The following AKAP9 variants were observed in gnomAD, a reference collection of about 807,000 sequenced individuals.
AKAP9 encodes A-kinase anchor protein 9.
In AKAP9, 311 loss-of-function variants were observed where a neutral mutation model predicts 488.5. That is an observed-to-expected ratio of 0.64 (90% confidence interval 0.58 to 0.70). The LOEUF (loss-of-function observed/expected upper bound fraction) is 0.70, where lower values mean the gene tolerates loss of function less well. Among genes scored for constraint, AKAP9 ranks in the 30% least tolerant of loss-of-function variants. The pLI is 0.00. For missense variants in AKAP9, 4,215 were observed against 4,374.5 expected (o/e 0.96, Z 1.03); for synonymous variants, 1,462 against 1,483.5 (o/e 0.99, Z 0.33).
chr7:92,084,387 A>G (rs1391083536), intron 33 of AKAP9, among the ~76,000 whole-genome samples: 1 of 152,130 alleles, frequency 6.6e-6, no homozygotes, highest in East Asian at 1.9e-4. Context: ...CATTGCATAG[A>G]GTTAAATAAT....
rs546100367 is a variant in AKAP9 at position 92,071,328 on chromosome 7, A to G, written c.6612+319A>G. The stretch of plus-strand genomic sequence containing the variant: ...TATAGTAGTGTTAGGACAAAAGGCA[A>G]TATATCCCTTTTCTCCTAACCGTAG... On this transcript the variant is annotated intron_variant, in intron 28 of 49. Transcript: ENST00000356239. 8.3e-5 allele frequency among the ~76,000 whole-genome samples: 4 copies of G among 48,062 alleles called. No homozygotes were observed. The South Asian group carries it at 2.3e-3, about 27-fold the overall frequency. The allele number at this position is 48,062 out of a possible 152,430, so 31.5% of individuals were successfully genotyped here. A position where few individuals can be genotyped will look rare whatever the true frequency, so the allele number is the denominator to read the frequency against.
chr7:91,991,769 C>T (rs1797791847), intron 3 of AKAP9, among the ~76,000 whole-genome samples: 1 of 152,190 alleles, frequency 6.6e-6, no homozygotes, highest in Non-Finnish European at 1.5e-5. Flanking sequence ...CCACACCCGA[C>T]CTAAATTGTT....
rs1305130423 is a variant in AKAP9, at chr7:92,001,504, G to A, written c.1587G>A (p.Gln529=). ...ILEEKCALQR[Q]LEDLVEELSF... is the part of the protein sequence containing the mutation. ...AAGAAAAGTGTGCTCTACAGAGACA[G>A]CTTGAAGACCTTGTTGAAGAATTGA... The change falls in exon 8 of 50, where the codon CAG becomes CAA. Residue 529 remains glutamine, a synonymous_variant. Coordinates refer to ENST00000356239, the MANE Select transcript of AKAP9 (RefSeq NM_005751.5). 3 of 1,613,770 alleles carry A rather than the reference G, an allele frequency of 1.9e-6. No individual in the cohort carries two copies. The Admixed American group carries it at 5.0e-5, about 27-fold the overall frequency.
chr7:92,094,320 T>G (rs1249336005), intron 39 of AKAP9, among the ~76,000 whole-genome samples: 1 of 149,046 alleles, frequency 6.7e-6, no homozygotes, highest in Non-Finnish European at 1.5e-5. Flanking sequence ...TCACCTGAGG[T>G]CAGGAGTTCA....
intron 8 of AKAP9, among the ~76,000 whole-genome samples, chr7:92,009,096 A>C (rs1291669867): frequency 6.6e-6 from 1 of 152,044 alleles, no homozygotes; most frequent in Non-Finnish European, 1.5e-5. Flanking sequence ...AGACAGGAGG[A>C]GTGCTTGAGC....
chr7:92,019,404 T>C (rs1802002046), intron 12 of AKAP9, among the ~76,000 whole-genome samples: 1 of 151,820 alleles, frequency 6.6e-6, no homozygotes, highest in Non-Finnish European at 1.5e-5. Flanking sequence ...CCTCCCTAAG[T>C]GCTGGGATTA....
At chr7:91,954,145 T>C (rs1792643327) in intron 1 of AKAP9, among the ~76,000 whole-genome samples, 1 of 152,206 alleles carries the variant, frequency 6.6e-6, no homozygotes, top group Admixed American at 6.5e-5. Flanking sequence ...CATCATTTTT[T>C]CTCTCACTTT....
intron 3 of AKAP9, among the ~76,000 whole-genome samples, chr7:91,985,735 C>A (rs896346252): frequency 2.6e-5 from 4 of 152,212 alleles, no homozygotes; most frequent in Admixed American, 1.3e-4. Context: ...GCAACCCTCG[C>A]CTGCCGGGTT....
In AKAP9 at chr7:92,002,318, G is replaced by T; in HGVS notation, c.2401G>T (p.Glu801Ter). 2 of 1,612,914 alleles carry T rather than the reference G, an allele frequency of 1.2e-6. No homozygotes were observed. Among genetic ancestry groups the T allele is most frequent in the Non-Finnish European group, 1.7e-6 (2 of 1,179,354 alleles). Residue 801 changes from glutamate to a stop codon, truncating the protein, a stop_gained, in exon 8 of 50, where the codon GAA becomes TAA. Transcript: ENST00000356239. LOFTEE classifies it high-confidence loss of function. Reference protein sequence around the residue: ...LKIHTPVSQEERLIFLDSIKS... With the variant: ...LKIHTPVSQE ...AATACATACTCCTGTTAGCCAAGAA[G>T]AAAGATTGATTTTCTTAGACTCCAT...
At chr7:91,943,394 G>A (rs1791041287) in intron 1 of AKAP9, among the ~76,000 whole-genome samples, 2 of 152,148 alleles carry the variant, frequency 1.3e-5, no homozygotes, top group African/African-American at 2.4e-5. Flanking sequence ...TTGTATAAAC[G>A]TGTGCTTTCA....
intron 1 of AKAP9, among the ~76,000 whole-genome samples, chr7:91,963,531 T>C (rs1794039483): frequency 8.7e-6 from 1 of 115,156 alleles, no homozygotes; most frequent in Non-Finnish European, 2.0e-5. Flanking sequence ...CACACACATA[T>C]TTTTGAGACG....
chr7:91,992,831 C>T (rs1406158216), intron 4 of AKAP9, 54 bp from the exon 5 acceptor site: 14 of 1,532,168 alleles, frequency 9.1e-6, no homozygotes, highest in African/African-American at 2.7e-5. Flanking sequence ...TTGAATCTCT[C>T]TCCCTAAGGA....
rs1324778336 is a variant in AKAP9 at position 92,095,100 on chromosome 7, A to C, written c.9656A>C (p.Glu3219Ala). The change falls in exon 40 of 50, where the codon GAG becomes GCG. Residue 3219 changes from glutamate (E) to alanine (A), a missense_variant. Glu to Ala is a moderately radical substitution (Grantham distance 107). Coordinates refer to ENST00000356239, the MANE Select transcript of AKAP9 (RefSeq NM_005751.5). Reference sequence around the variant, plus strand: ...GCAAGTGAACAGAAAAAATCAAGAGAGCTCCAGTGGGCTTTGGAGAAAGAG... The same window carrying C: ...GCAAGTGAACAGAAAAAATCAAGAGCGCTCCAGTGGGCTTTGGAGAAAGAG... ...TLASEQKKSR[E>A]LQWALEKEKA... is the part of the protein sequence containing the mutation. The C allele has an allele frequency of 6.2e-7, 1 of 1,614,172 alleles. No homozygotes were observed. Among genetic ancestry groups the C allele is most frequent in the South Asian group, 1.1e-5 (1 of 91,086 alleles).
At chr7:92,097,479 C>G in intron 41 of AKAP9, 107 bp from the exon 42 acceptor site, 1 of 1,502,506 alleles carries the variant, frequency 6.7e-7, no homozygotes. Context: ...AAAATGAAAT[C>G]TATAGAAGTT....
intron 22 of AKAP9, among the ~76,000 whole-genome samples, chr7:92,054,173 T>C (rs1808403215): frequency 6.6e-6 from 1 of 152,178 alleles, no homozygotes; most frequent in South Asian, 2.1e-4. Context: ...GCCATTGATT[T>C]CTTCAGAATA....
intron 1 of AKAP9, among the ~76,000 whole-genome samples, chr7:91,963,797 C>T (rs927789337): frequency 2.6e-5 from 4 of 152,120 alleles, no homozygotes; most frequent in African/African-American, 9.7e-5. Context: ...GGATTACAGG[C>T]GTGAGCCACC....
chr7:92,097,741 G>A lies in AKAP9; in HGVS notation c.10554G>A (p.Lys3518=). 6.2e-7 allele frequency: 1 copy of A among 1,614,148 alleles called. No homozygotes were observed. The highest frequency in any genetic ancestry group is 8.5e-7 in the Non-Finnish European group (1 of 1,180,022). The change falls in exon 42 of 50, where the codon AAG becomes AAA. Residue 3518 remains lysine, a synonymous_variant. Transcript: ENST00000356239. ...CNHELEMIRQ[K]LQCVASKLQV... ...ATGAATTAGAAATGATCAGACAAAA[G>A]CTTCAATGTGTAGCTTCAAAACTAC...
chr7:92,067,483 A>C (rs961081723), intron 26 of AKAP9, among the ~76,000 whole-genome samples: 3 of 152,000 alleles, frequency 2.0e-5, no homozygotes, highest in African/African-American at 4.8e-5. Context: ...ATTCCAACCC[A>C]CTGATGGGTC....
In AKAP9 at chr7:92,001,162, A is replaced by T. The variant is rs1348199783; in HGVS notation, c.1245A>T (p.Glu415Asp). The T allele has an allele frequency of 6.2e-7, 1 of 1,614,066 alleles. No individual in the cohort carries two copies. The change falls in exon 8 of 50, where the codon GAA (glutamate) becomes GAT (aspartate). Residue 415 changes from glutamate to aspartate, a missense_variant. Glu to Asp is a conservative substitution (Grantham distance 45). This residue lies in a region of AKAP9 where 2,361 missense variants were observed against 2,430.0 expected (regional missense o/e 0.97). Coordinates refer to ENST00000356239, the MANE Select transcript of AKAP9 (RefSeq NM_005751.5). ...QKRNHKDSQFETDIVQRMEQE... is the reference protein window; with the variant it reads ...QKRNHKDSQFDTDIVQRMEQE... ...GAAATCATAAAGACAGCCAGTTCGA[A>T]ACTGATATAGTACAACGAATGGAAC...
Sources: allele counts gnomAD v4.1 joint callset (sites outside exome capture counted in the v4.1 genomes callset), GRCh38; gene constraint gnomAD v4.1.1; regional missense constraint gnomAD v4.1.1; transcripts MANE v1.5; gene names NCBI Gene and HGNC (gene_info 2026-07-23, HGNC 2026-07-21).